The following EBF1 variants were observed in gnomAD, a reference collection of about 807,000 sequenced individuals.
EBF1 encodes transcription factor COE1.
Under a neutral mutation model 68.4 loss-of-function variants are expected in EBF1, and 10 were observed. The observed-to-expected ratio is 0.15, with a 90% CI of 0.09 to 0.25. The LOEUF (loss-of-function observed/expected upper bound fraction) is 0.25, where lower values mean the gene tolerates loss of function less well. Among genes scored for constraint, EBF1 ranks in the 10% least tolerant of loss-of-function variants. The probability of loss-of-function intolerance (pLI) is 1.00; values close to 1 mark genes in which losing one functional copy is unlikely to be tolerated. For missense variants in EBF1, 509 were observed against 794.4 expected, an observed-to-expected ratio of 0.64 and a Z score of 4.32; for synonymous variants, 298 against 299.8, an observed-to-expected ratio of 0.99 and a Z score of 0.06.
At chr5:158,793,018 T>G (rs2127734358) in intron 9 of EBF1, among the ~76,000 whole-genome samples, 1 of 152,278 alleles carries the variant, frequency 6.6e-6, no homozygotes, top group African/African-American at 2.4e-5. Flanking sequence ...ACAGGCTAAA[T>G]TATGAAAGTT....
intron 6 of EBF1, among the ~76,000 whole-genome samples, chr5:158,859,953 C>T (rs770092370): frequency 6.6e-6 from 1 of 152,166 alleles, no homozygotes; most frequent in Non-Finnish European, 1.5e-5. Flanking sequence ...ATCCTGTTTC[C>T]TCCACAATGT....
intron 10 of EBF1, among the ~76,000 whole-genome samples, chr5:158,744,348 A>G (rs1189411134): frequency 6.6e-6 from 1 of 152,072 alleles, no homozygotes. Context: ...AAAAAGGTAT[A>G]GAAAGAATAC....
chr5:158,910,335 T>G (rs560568352), intron 6 of EBF1, among the ~76,000 whole-genome samples: 2 of 152,370 alleles, frequency 1.3e-5, no homozygotes, highest in African/African-American at 4.8e-5. Context: ...CATAACTTTC[T>G]GTTAATATTT....
At chr5:159,082,716 C>A (rs1239443653) in intron 5 of EBF1, among the ~76,000 whole-genome samples, 7 of 152,160 alleles carry the variant, frequency 4.6e-5, no homozygotes, top group Non-Finnish European at 1.0e-4. Flanking sequence ...ACAAACAGTA[C>A]CCCTTATACA....
chr5:158,929,842 A>T (rs1372809202), intron 6 of EBF1, among the ~76,000 whole-genome samples: 2 of 152,238 alleles, frequency 1.3e-5, no homozygotes, highest in African/African-American at 4.8e-5. Flanking sequence ...TTGCAGGAAA[A>T]AGGTACATAA....
chr5:158,789,982 C>A (rs887686353), intron 9 of EBF1, among the ~76,000 whole-genome samples: 4 of 152,166 alleles, frequency 2.6e-5, no homozygotes, highest in African/African-American at 9.7e-5. Flanking sequence ...ATTTAAGTGG[C>A]AAAATTGCTT....
At chr5:158,840,246 A>T (rs1280798198) in intron 6 of EBF1, 136 bp from the exon 7 acceptor site, 2 of 652,410 alleles carry the variant, frequency 3.1e-6, no homozygotes, top group Non-Finnish European at 5.3e-6. Context: ...TGTTAGAGCC[A>T]ATATTTCATT....
At chr5:159,011,503 T>TG (rs1373859717) in intron 6 of EBF1, among the ~76,000 whole-genome samples, 2 of 152,194 alleles carry the variant, frequency 1.3e-5, no homozygotes, top group Non-Finnish European at 2.9e-5. Context: ...TTGGTAAGTT[T>TG]GGGGGGCTGG....
At chr5:158,902,045 T>G (rs1390633420) in intron 6 of EBF1, among the ~76,000 whole-genome samples, 1 of 152,076 alleles carries the variant, frequency 6.6e-6, no homozygotes, top group Non-Finnish European at 1.5e-5. Context: ...GAGCCAAGAT[T>G]GCAACACTGC....
intron 6 of EBF1, among the ~76,000 whole-genome samples, chr5:158,954,845 T>A (rs1287379978): frequency 6.6e-6 from 1 of 152,222 alleles, no homozygotes; most frequent in Non-Finnish European, 1.5e-5. Flanking sequence ...TAATGCTTCA[T>A]GTGAATTCAT....
rs369343164 is a variant in EBF1 at position 158,776,685 on chromosome 5, T to C, written c.1036+728A>G. Among the ~76,000 whole-genome samples, 56 of 152,298 alleles carry C rather than the reference T, an allele frequency of 3.7e-4. No homozygotes were observed. In the East Asian group the frequency reaches 7.7e-3, roughly 21 times the overall value. ...CAGCAGCATCAGCCTCACCTGGGAT[T>C]GCTTAAGAAACAGGATCTCAGGTTC... is the stretch of plus-strand genomic sequence containing the variant. On this transcript the variant is annotated intron_variant, in intron 10 of 15. Transcript: ENST00000313708.
At chr5:158,882,723 T>C (rs1291809463) in intron 6 of EBF1, among the ~76,000 whole-genome samples, 1 of 152,170 alleles carries the variant, frequency 6.6e-6, no homozygotes, top group Non-Finnish European at 1.5e-5. Flanking sequence ...ACTGGAAAGA[T>C]GGTAGTCTTT....
At chr5:158,763,459 C>A (rs183630758) in intron 10 of EBF1, among the ~76,000 whole-genome samples, 1 of 152,302 alleles carries the variant, frequency 6.6e-6, no homozygotes, top group East Asian at 1.9e-4. Context: ...GTGAAAATGG[C>A]ACTTGGCTTT....
intron 11 of EBF1, among the ~76,000 whole-genome samples, chr5:158,729,368 G>A (rs888067442): frequency 1.3e-5 from 2 of 150,782 alleles, no homozygotes; most frequent in Non-Finnish European, 3.0e-5. Context: ...TGAATACAGT[G>A]CCCAAATGTT....
At chr5:158,730,184 C>T (rs73816045) in intron 11 of EBF1, among the ~76,000 whole-genome samples, 23,588 of 152,206 alleles carry the variant, frequency 0.15, 1,962 homozygotes, top group African/African-American at 0.18. Context: ...AGCTTTTTGC[C>T]GTCAGTAAAC....
intron 6 of EBF1, among the ~76,000 whole-genome samples, chr5:158,858,163 G>T (rs1562137216): frequency 6.6e-6 from 1 of 152,178 alleles, no homozygotes; most frequent in Non-Finnish European, 1.5e-5. Context: ...TTCGGAGTAA[G>T]TGATGACAGC....
chr5:158,752,530 A>G (rs1340216123), intron 10 of EBF1, among the ~76,000 whole-genome samples: 2 of 152,104 alleles, frequency 1.3e-5, no homozygotes, highest in Admixed American at 6.6e-5. Flanking sequence ...AGAATGTTAA[A>G]GTAACTGAAA....
At position 158,942,965 on chromosome 5, in the gene EBF1, G is replaced by A. The variant is rs1035557996; in HGVS notation, c.555-102855C>T. ...GAGAAAAGATAGTAGAAGAGGGAGGGGGAAGGAGGGAAGGAGGAAGAGAGG... is the reference window on the plus strand; with the variant it reads ...GAGAAAAGATAGTAGAAGAGGGAGGAGGAAGGAGGGAAGGAGGAAGAGAGG... On this transcript the variant is annotated intron_variant, in intron 6 of 15. Transcript: ENST00000313708. 4.8e-5 allele frequency among the ~76,000 whole-genome samples: 6 copies of A among 126,182 alleles called. No individual in the cohort carries two copies. The South Asian group carries it at 2.0e-3, about 42-fold the overall frequency. 82.8% of individuals were successfully genotyped at this position (126,182 alleles called of 152,430 possible).
At chr5:158,821,068 G>T (rs1480301047) in intron 8 of EBF1, among the ~76,000 whole-genome samples, 1 of 152,206 alleles carries the variant, frequency 6.6e-6, no homozygotes, top group African/African-American at 2.4e-5. Context: ...GGGCACCAGA[G>T]CGTGTACTTG....
Sources: gnomAD v4.1 joint callset for allele counts (sites outside exome capture counted in the v4.1 genomes callset) on GRCh38, gnomAD v4.1.1 for gene constraint, MANE v1.5 for transcripts, NCBI Gene and HGNC (gene_info 2026-07-23, HGNC 2026-07-21) for gene names.